CDC73: variants seen among roughly 807,000 people sequenced by gnomAD.
CDC73 encodes cell division cycle 73.
CDC73 carries 21 observed loss-of-function variants against 83.7 expected under a neutral mutation model. The ratio of observed to expected loss-of-function variants is 0.25; its 90% CI spans 0.18 to 0.36. CDC73 has a LOEUF of 0.36. Ranked by LOEUF, CDC73 falls within the 10% of genes least tolerant of loss-of-function variation. The pLI, the probability that CDC73 is intolerant of heterozygous loss-of-function variation, is 1.00. For synonymous variants in CDC73, 224 were observed against 212.9 expected (o/e 1.05, Z -0.45); for missense variants, 342 against 653.3 (o/e 0.52, Z 5.19).
At chr1:193,212,224 G>C in intron 12 of CDC73, 124 bp downstream of exon 12, 2 of 894,192 alleles carry the variant, frequency 2.2e-6, no homozygotes, top group Non-Finnish European at 3.6e-6. Context: ...TGATTTATTA[G>C]TGCCCAAGCC....
At chr1:193,207,902 A>G (rs937839597) in intron 11 of CDC73, among the ~76,000 whole-genome samples, 2 of 152,228 alleles carry the variant, frequency 1.3e-5, no homozygotes, top group Non-Finnish European at 2.9e-5. Context: ...TTCTCCTCTT[A>G]TCCCATAGTT....
chr1:193,171,320 GGTTCAGGTATATC>G (rs1676515366), intron 10 of CDC73, among the ~76,000 whole-genome samples: 1 of 152,150 alleles, frequency 6.6e-6, no homozygotes. Flanking sequence ...GTAAATCCAA[GGTTCAGGTATATC>G]GTGGCTTAGG....
chr1:193,254,702 T>C lies in CDC73; in HGVS notation c.*3990T>C, dbSNP rs1490823814. Among the ~76,000 whole-genome samples, 2 of 152,176 alleles carry C rather than the reference T, an allele frequency of 1.3e-5. No homozygotes were observed. Among genetic ancestry groups the C allele is most frequent in the Non-Finnish European group, 2.9e-5 (2 of 68,012 alleles). On this transcript the variant is annotated 3_prime_UTR_variant, in exon 17 of 17. Coordinates refer to ENST00000367435, the MANE Select transcript of CDC73 (RefSeq NM_024529.5). ...TTCTGTGTATTATTTTAGGTAATCT[T>C]TATAAGGGCATCTTGGAAGTTATAA...
At chr1:193,144,942 A>G (rs1011670192) in intron 7 of CDC73, among the ~76,000 whole-genome samples, 1 of 151,840 alleles carries the variant, frequency 6.6e-6, no homozygotes, top group Non-Finnish European at 1.5e-5. Flanking sequence ...AAGTTTCTTT[A>G]TGCTGCTGTC....
At chr1:193,149,251 G>A (rs1289906874) in intron 8 of CDC73, among the ~76,000 whole-genome samples, 2 of 152,008 alleles carry the variant, frequency 1.3e-5, no homozygotes, top group Admixed American at 1.3e-4. Flanking sequence ...GTAGAAGACA[G>A]TTTTTTCATG....
intron 10 of CDC73, chr1:193,180,019 G>T: frequency 4.0e-6 from 1 of 247,298 alleles, no homozygotes; most frequent in Non-Finnish European, 7.6e-6. Context: ...CCTAACAGAA[G>T]ACTTGAACCA....
chr1:193,152,272 ATAT>A, intron 9 of CDC73, 105 bp from the exon 10 acceptor site: 1 of 736,850 alleles, frequency 1.4e-6, no homozygotes, highest in Non-Finnish European at 2.4e-6. Context: ...AAGGCTTTGT[ATAT>A]TATTGAACCA....
intron 5 of CDC73, among the ~76,000 whole-genome samples, chr1:193,136,160 C>T (rs533262181): frequency 6.6e-6 from 1 of 152,176 alleles, no homozygotes; most frequent in African/African-American, 2.4e-5. Flanking sequence ...TATGTTGCAA[C>T]TATTTTACTT....
At chr1:193,217,024 A>G (rs1308575879) in intron 13 of CDC73, among the ~76,000 whole-genome samples, 2 of 152,164 alleles carry the variant, frequency 1.3e-5, no homozygotes, top group Non-Finnish European at 2.9e-5. Flanking sequence ...CCTGAGAACC[A>G]GAACAAACCA....
intron 9 of CDC73, among the ~76,000 whole-genome samples, chr1:193,150,816 G>A (rs941038974): frequency 6.6e-6 from 1 of 152,128 alleles, no homozygotes; most frequent in African/African-American, 2.4e-5. Flanking sequence ...TATAGTGCCT[G>A]TCTCTTACCA....
chr1:193,139,341 A>G (rs890326667), intron 6 of CDC73, among the ~76,000 whole-genome samples: 1 of 150,660 alleles, frequency 6.6e-6, no homozygotes, highest in African/African-American at 2.4e-5. Flanking sequence ...ATCTCGGCTC[A>G]CTGCAACCTC....
At chr1:193,154,491 A>G (rs1014516604) in intron 10 of CDC73, among the ~76,000 whole-genome samples, 34 of 152,228 alleles carry the variant, frequency 2.2e-4, no homozygotes, top group Non-Finnish European at 4.3e-4. Context: ...AATTTAAGCA[A>G]TATACTGAAG....
intron 3 of CDC73, among the ~76,000 whole-genome samples, chr1:193,130,550 A>G (rs1418223437): frequency 6.6e-6 from 1 of 152,208 alleles, no homozygotes; most frequent in African/African-American, 2.4e-5. Flanking sequence ...CTTTTAGAAT[A>G]CCTACAGTAA....
chr1:193,212,069 T>C lies in CDC73; in HGVS notation c.1035T>C (p.Ser345=). 1 of 1,584,260 alleles carries C rather than the reference T, an allele frequency of 6.3e-7. No individual in the cohort carries two copies. The highest frequency in any genetic ancestry group is 8.6e-7 in the Non-Finnish European group (1 of 1,160,382). ...GATTTTTTTTCTTTTTCACAGTTTC[T>C]CAAGCAAGACCTCCCCCAAATCAGA... ...PAAQPVPRPV[S]QARPPPNQKK... is the part of the protein sequence containing the mutation. The change falls in exon 12 of 17, where the codon TCT becomes TCC. Residue 345 remains serine (S), a synonymous_variant. Transcript: ENST00000367435.
intron 11 of CDC73, among the ~76,000 whole-genome samples, chr1:193,204,486 T>C (rs1413118545): frequency 2.0e-5 from 3 of 151,730 alleles, no homozygotes; most frequent in African/African-American, 7.3e-5. Context: ...AGACGGGGTT[T>C]CACTGTGTTA....
intron 10 of CDC73, among the ~76,000 whole-genome samples, chr1:193,160,006 T>G (rs1676281547): frequency 6.6e-6 from 1 of 152,188 alleles, no homozygotes; most frequent in South Asian, 2.1e-4. Flanking sequence ...AATATTATTT[T>G]TATGTGGTTT....
At chr1:193,147,257 G>T (rs975688542) in intron 7 of CDC73, among the ~76,000 whole-genome samples, 2 of 152,028 alleles carry the variant, frequency 1.3e-5, no homozygotes, top group Admixed American at 1.3e-4. Context: ...CTCCCAAAGT[G>T]CTGGGATTAC....
intron 10 of CDC73, among the ~76,000 whole-genome samples, chr1:193,160,898 A>G (rs1013698518): frequency 1.3e-5 from 2 of 152,008 alleles, no homozygotes; most frequent in Non-Finnish European, 2.9e-5. Flanking sequence ...CTGGCTGAAC[A>G]TTAGTTTGTT....
At chr1:193,156,808 A>G (rs1029308765) in intron 10 of CDC73, among the ~76,000 whole-genome samples, 2 of 151,878 alleles carry the variant, frequency 1.3e-5, no homozygotes, top group African/African-American at 4.8e-5. Flanking sequence ...TTGGGGTTCT[A>G]TTTCCTTTTC....
Sources: gnomAD v4.1 joint callset for allele counts (sites outside exome capture counted in the v4.1 genomes callset) on GRCh38, gnomAD v4.1.1 for gene constraint, MANE v1.5 for transcripts, NCBI Gene and HGNC (gene_info 2026-07-23, HGNC 2026-07-21) for gene names.